Variants in MALRD1 observed in about 807,000 individuals in gnomAD.
MALRD1 encodes the protein MAM and LDL receptor class A domain containing 1.
In MALRD1, 247 loss-of-function variants were observed where a neutral mutation model predicts 242.1. The observed-to-expected ratio is 1.02, with a 90% CI of 0.92 to 1.13. The LOEUF is 1.13. Among genes scored for constraint, MALRD1 ranks in the 50% most tolerant of loss-of-function variants. The pLI is 0.00. For synonymous variants in MALRD1, 995 were observed against 866.6 expected, an observed-to-expected ratio of 1.15 and a Z score of -2.60; for missense variants, 2,989 against 2,533.1, an observed-to-expected ratio of 1.18 and a Z score of -3.86.
At chr10:19,203,048 C>A (rs1332868887) in intron 14 of MALRD1, among the ~76,000 whole-genome samples, 1 of 152,024 alleles carries the variant, frequency 6.6e-6, no homozygotes, top group Non-Finnish European at 1.5e-5. Flanking sequence ...ATAAAGTGTT[C>A]TATAACTATC....
intron 14 of MALRD1, among the ~76,000 whole-genome samples, chr10:19,188,618 C>T (rs989496759): frequency 1.4e-4 from 21 of 152,072 alleles, no homozygotes; most frequent in Admixed American, 3.9e-4. Context: ...TCTCAGTCTA[C>T]GGAGCTACCT....
rs1835215297 is a variant in MALRD1, at chr10:19,546,545, T to A, written c.5478+15194T>A. ...AATCAACCTGGCTCTTCTGGAGTCCTTGGATTAATTACCAGATGGTGACAT... is the reference window on the plus strand; with the variant it reads ...AATCAACCTGGCTCTTCTGGAGTCCATGGATTAATTACCAGATGGTGACAT... On this transcript the variant is annotated intron_variant, in intron 32 of 39. Coordinates refer to ENST00000454679, the MANE Select transcript of MALRD1 (RefSeq NM_001142308.3). Among the ~76,000 whole-genome samples, 4 of 152,242 alleles carry A rather than the reference T, an allele frequency of 2.6e-5. No individual in the cohort carries two copies. In the South Asian group the frequency reaches 8.3e-4, roughly 32 times the overall value.
At chr10:19,233,821 T>C (rs1234725185) in intron 18 of MALRD1, among the ~76,000 whole-genome samples, 4 of 148,782 alleles carry the variant, frequency 2.7e-5, no homozygotes, top group Admixed American at 7.0e-5. Flanking sequence ...ATGTTTATAT[T>C]GAATTTCTTT....
At chr10:19,114,755 G>A (rs892502947) in intron 5 of MALRD1, among the ~76,000 whole-genome samples, 8 of 152,130 alleles carry the variant, frequency 5.3e-5, no homozygotes, top group African/African-American at 9.7e-5. Flanking sequence ...CTCAGACTGT[G>A]TTACTCAAAC....
chr10:19,328,670 A>G (rs781194038), intron 23 of MALRD1, among the ~76,000 whole-genome samples: 7 of 152,088 alleles, frequency 4.6e-5, no homozygotes, highest in Non-Finnish European at 1.0e-4. Context: ...GTTACAGCCA[A>G]TTTCTTGGAA....
chr10:19,387,377 GGAGA>G, intron 26 of MALRD1, 147 bp from the exon 27 acceptor site: 1 of 824,880 alleles, frequency 1.2e-6, no homozygotes, highest in Non-Finnish European at 1.8e-6. Flanking sequence ...GAGCAGAGTG[GGAGA>G]GAGAGAGATG....
intron 21 of MALRD1, among the ~76,000 whole-genome samples, chr10:19,284,099 G>A (rs1014704517): frequency 6.6e-6 from 1 of 152,178 alleles, no homozygotes; most frequent in South Asian, 2.1e-4. Context: ...AGCATGGCTG[G>A]GGTGGGATAA....
chr10:19,546,583 TTC>T (rs1835217572), intron 32 of MALRD1, among the ~76,000 whole-genome samples: 2 of 152,354 alleles, frequency 1.3e-5, no homozygotes, highest in South Asian at 2.1e-4. Context: ...GCACAGCTTC[TTC>T]TCTTTGGTCT....
Position 19,701,974 on chromosome 10 carries a change from A to G in MALRD1, c.6314+9420A>G, listed in dbSNP as rs547219594. ...GTTGGACAATAAACTTAAACTTCTCAAAAGAAAATTCTTATTTCATTGACT... is the reference window on the plus strand; with the variant it reads ...GTTGGACAATAAACTTAAACTTCTCGAAAGAAAATTCTTATTTCATTGACT... On this transcript the variant is annotated intron_variant, in intron 38 of 39. Transcript: ENST00000454679. 2.0e-5 allele frequency among the ~76,000 whole-genome samples: 3 copies of G among 152,110 alleles called. No individual in the cohort carries two copies. The East Asian group carries it at 5.8e-4, about 30-fold the overall frequency.
chr10:19,297,010 A>T (rs1003501139), intron 21 of MALRD1, among the ~76,000 whole-genome samples: 1 of 151,512 alleles, frequency 6.6e-6, no homozygotes, highest in Non-Finnish European at 1.5e-5. Context: ...TGAAATTTCT[A>T]TAATGCCTTT....
Position 19,452,344 on chromosome 10 carries a change from A to G in MALRD1, c.5029+1854A>G, listed in dbSNP as rs78080740. Among the ~76,000 whole-genome samples, 1,096 of 152,260 alleles carry G rather than the reference A, an allele frequency of 7.2e-3. 15 individuals carry two copies. Among genetic ancestry groups the G allele is most frequent in the Admixed American group, 0.024 (374 of 15,288 alleles). On this transcript the variant is annotated intron_variant, in intron 29 of 39. Transcript: ENST00000454679. Reference sequence around the variant, plus strand: ...TTCTGTGAGAGTTTACGTGATTACAATTAATTTTGTTCAATTGAAGCCAAC... The same window carrying G: ...TTCTGTGAGAGTTTACGTGATTACAGTTAATTTTGTTCAATTGAAGCCAAC...
chr10:19,633,289 G>A (rs562315030), intron 36 of MALRD1, among the ~76,000 whole-genome samples: 7 of 152,222 alleles, frequency 4.6e-5, no homozygotes, highest in African/African-American at 1.7e-4. Flanking sequence ...TCTTGGCCAT[G>A]TTGTGAGTTT....
chr10:19,069,651 T>C lies in MALRD1; in HGVS notation c.340+2792T>C, dbSNP rs539312434. ...TGCCTTCATTCTTGAAATGTTTTCC[T>C]ACTGGATATATATTTTTTCATGGTC... On this transcript the variant is annotated intron_variant, in intron 2 of 39. Transcript: ENST00000454679. Among the ~76,000 whole-genome samples the C allele has an allele frequency of 8.8e-4, 133 of 151,986 alleles. 5 individuals carry two copies. In the South Asian group the frequency reaches 0.026, roughly 29 times the overall value.
chr10:19,494,437 G>T (rs1400580713), intron 30 of MALRD1, among the ~76,000 whole-genome samples: 1 of 152,182 alleles, frequency 6.6e-6, no homozygotes. Flanking sequence ...AGGTGAGATG[G>T]CTGAAATGGC....
intron 10 of MALRD1, among the ~76,000 whole-genome samples, chr10:19,145,056 T>C (rs1052769629): frequency 2.6e-5 from 4 of 152,186 alleles, no homozygotes; most frequent in African/African-American, 7.2e-5. Flanking sequence ...ATTAATTGTA[T>C]TAATTTATTC....
At chr10:19,699,249 C>T (rs1415513164) in intron 38 of MALRD1, among the ~76,000 whole-genome samples, 1 of 140,288 alleles carries the variant, frequency 7.1e-6, no homozygotes, top group Admixed American at 7.0e-5. Flanking sequence ...GTAATATGTA[C>T]CTGGGAAGGG....
chr10:19,079,739 G>T (rs1171457713), intron 2 of MALRD1, among the ~76,000 whole-genome samples: 1 of 151,622 alleles, frequency 6.6e-6, no homozygotes, highest in Admixed American at 6.6e-5. Context: ...GCCCTGCTTT[G>T]TCTCCAATAA....
intron 29 of MALRD1, among the ~76,000 whole-genome samples, chr10:19,456,160 T>A (rs1835637320): frequency 6.6e-6 from 1 of 152,244 alleles, no homozygotes; most frequent in South Asian, 2.1e-4. Context: ...AGCTACTCAA[T>A]CTTTCCCTAC....
intron 32 of MALRD1, among the ~76,000 whole-genome samples, chr10:19,556,019 G>A (rs1352440275): frequency 6.6e-6 from 1 of 152,008 alleles, no homozygotes; most frequent in Non-Finnish European, 1.5e-5. Flanking sequence ...TCCAACTAAG[G>A]CAACTCAGTA....
Sources: allele counts gnomAD v4.1 joint callset (sites outside exome capture counted in the v4.1 genomes callset), GRCh38; gene constraint gnomAD v4.1.1; transcripts MANE v1.5; gene names NCBI Gene and HGNC (gene_info 2026-07-23, HGNC 2026-07-21).